Variants in TTC28 observed in about 807,000 individuals in gnomAD.
TTC28 encodes tetratricopeptide repeat protein 28.
TTC28 carries 61 observed loss-of-function variants against 198.0 expected under a neutral mutation model. That is an observed-to-expected ratio of 0.31 (90% CI 0.25 to 0.38). TTC28 has a LOEUF of 0.38. TTC28 is among the 10% of genes least tolerant of loss of function. The probability of loss-of-function intolerance (pLI) is 1.00; values close to 1 mark genes in which losing one functional copy is unlikely to be tolerated. For synonymous variants in TTC28, 1,171 were observed against 1,297.8 expected (o/e 0.90, Z 2.10); for missense variants, 2,678 against 3,164.0 (o/e 0.85, Z 3.69).
At chr22:28,619,251 C>CT (rs1256487391) in intron 2 of TTC28, among the ~76,000 whole-genome samples, 4 of 152,132 alleles carry the variant, frequency 2.6e-5, no homozygotes, top group African/African-American at 9.7e-5. Context: ...AAACTCTGTG[C>CT]TACGTGCCTA....
chr22:28,622,226 C>T (rs1434880758), intron 2 of TTC28, among the ~76,000 whole-genome samples: 4 of 152,068 alleles, frequency 2.6e-5, no homozygotes, highest in Non-Finnish European at 5.9e-5. Flanking sequence ...GGTCAGAAAA[C>T]CACAGCCTTT....
At chr22:28,033,506 A>C (rs763474056) in intron 12 of TTC28, among the ~76,000 whole-genome samples, 2 of 152,200 alleles carry the variant, frequency 1.3e-5, no homozygotes, top group Non-Finnish European at 2.9e-5. Flanking sequence ...GATGAGGGTC[A>C]CATTGTAGCT....
intron 5 of TTC28, among the ~76,000 whole-genome samples, chr22:28,227,661 A>G (rs1168162057): frequency 6.6e-6 from 1 of 151,880 alleles, no homozygotes; most frequent in Non-Finnish European, 1.5e-5. Context: ...CAAAACCACA[A>G]TGAGATACCA....
chr22:28,233,212 T>C (rs1601511681), intron 5 of TTC28, among the ~76,000 whole-genome samples: 1 of 152,326 alleles, frequency 6.6e-6, no homozygotes, highest in East Asian at 1.9e-4. Flanking sequence ...TTTTCAGTGA[T>C]AATTTTTTTA....
At chr22:28,079,637 T>C (rs1191340390) in intron 12 of TTC28, among the ~76,000 whole-genome samples, 1 of 152,142 alleles carries the variant, frequency 6.6e-6, no homozygotes, top group East Asian at 1.9e-4. Context: ...AATGAAATCA[T>C]GTAGTATTTG....
intron 12 of TTC28, among the ~76,000 whole-genome samples, chr22:28,071,958 C>A (rs1000525587): frequency 1.3e-5 from 2 of 152,070 alleles, no homozygotes; most frequent in African/African-American, 2.4e-5. Context: ...TAATGTGTTA[C>A]TAGGAATCGG....
At chr22:28,360,494 T>C (rs909207604) in intron 2 of TTC28, among the ~76,000 whole-genome samples, 1 of 152,254 alleles carries the variant, frequency 6.6e-6, no homozygotes, top group Non-Finnish European at 1.5e-5. Context: ...TTGCTTTTTT[T>C]AAAGTTATTT....
At chr22:28,620,809 C>T (rs1478847819) in intron 2 of TTC28, among the ~76,000 whole-genome samples, 2 of 152,104 alleles carry the variant, frequency 1.3e-5, no homozygotes, top group South Asian at 2.1e-4. Flanking sequence ...CCAAAGATGT[C>T]GCAGAAAAAT....
intron 2 of TTC28, among the ~76,000 whole-genome samples, chr22:28,523,405 A>C (rs2048945969): frequency 6.6e-6 from 1 of 152,216 alleles, no homozygotes; most frequent in Non-Finnish European, 1.5e-5. Context: ...TTAAGTTATT[A>C]AACAAATGGG....
chr22:28,535,868 C>T (rs2049259386), intron 2 of TTC28, among the ~76,000 whole-genome samples: 2 of 152,170 alleles, frequency 1.3e-5, no homozygotes, highest in East Asian at 3.9e-4. Flanking sequence ...GAAGCCTATA[C>T]AGCCTGCAGA....
chr22:28,012,122 A>T (rs999288251), intron 14 of TTC28, among the ~76,000 whole-genome samples: 1 of 152,206 alleles, frequency 6.6e-6, no homozygotes, highest in African/African-American at 2.4e-5. Flanking sequence ...AATGGTTTGC[A>T]TGACAGTCAG....
In TTC28 at chr22:28,163,230, G is replaced by T. The variant is rs773643526; in HGVS notation, c.1303C>A (p.Arg435=). The T allele has an allele frequency of 1.0e-5, 16 of 1,551,608 alleles. No homozygotes were observed. The highest frequency in any genetic ancestry group is 1.4e-5 in the Non-Finnish European group (16 of 1,147,022). ...QELMEKAIEM[R]AYAGLGHAAR... ...GCATGGCCTAGTCCAGCATAGGCCCGCATCTCAATAGCCTTCTCCATCAAC... is the reference window on the plus strand; with the variant it reads ...GCATGGCCTAGTCCAGCATAGGCCCTCATCTCAATAGCCTTCTCCATCAAC... The change falls in exon 6 of 23, where the codon CGG becomes AGG. Residue 435 remains arginine (R), a synonymous_variant. Coordinates refer to ENST00000397906, the MANE Select transcript of TTC28 (RefSeq NM_001145418.2).
chr22:28,032,242 A>G (rs1569094950), intron 12 of TTC28, among the ~76,000 whole-genome samples: 50 of 110,590 alleles, frequency 4.5e-4, no homozygotes, highest in African/African-American at 1.6e-3. Context: ...TAAAATATAT[A>G]TATATAAAAT....
At chr22:28,027,797 C>G (rs1938894168) in intron 13 of TTC28, among the ~76,000 whole-genome samples, 1 of 152,266 alleles carries the variant, frequency 6.6e-6, no homozygotes, top group Non-Finnish European at 1.5e-5. Context: ...TGGGACCCCA[C>G]AGCAGGGCAG....
rs149679366 is a variant in TTC28 at position 28,332,751 on chromosome 22, C to T, written c.382-26108G>A. 5.2e-3 allele frequency among the ~76,000 whole-genome samples: 788 copies of T among 152,192 alleles called. 3 individuals carry two copies. The highest frequency in any genetic ancestry group is 6.6e-3 in the Non-Finnish European group (449 of 67,922). On this transcript the variant is annotated intron_variant, in intron 2 of 22. Coordinates refer to ENST00000397906, the MANE Select transcript of TTC28 (RefSeq NM_001145418.2). ...CTAACAATTAAATGCAACCACTAAA[C>T]GTTTCCTTTGCAAGATATCTTTTTT...
intron 2 of TTC28, among the ~76,000 whole-genome samples, chr22:28,577,409 C>T (rs754039091): frequency 6.6e-6 from 1 of 152,016 alleles, no homozygotes. Flanking sequence ...TCCCTGAGAA[C>T]GATCCATGTG....
At chr22:28,125,128 G>A (rs547228518) in intron 6 of TTC28, among the ~76,000 whole-genome samples, 1 of 152,132 alleles carries the variant, frequency 6.6e-6, no homozygotes. Flanking sequence ...CGTATTACTT[G>A]GAGGGATGCA....
chr22:28,547,738 CA>C lies in TTC28; in HGVS notation c.381+81813del, dbSNP rs201732192. Among the ~76,000 whole-genome samples, 940 of 150,656 alleles carry C rather than the reference CA, an allele frequency of 6.2e-3. 8 individuals are homozygous for C. Among genetic ancestry groups the C allele is most frequent in the African/African-American group, 0.022 (902 of 40,888 alleles). On this transcript the variant is annotated intron_variant, in intron 2 of 22. Transcript: ENST00000397906. ...TGATATGATGCAATATTCTTAAGGA[CA>C]TTTTAATGCTGAGGCATGTTAAAGA...
At chr22:28,187,378 G>A (rs1442594486) in intron 5 of TTC28, among the ~76,000 whole-genome samples, 1 of 152,204 alleles carries the variant, frequency 6.6e-6, no homozygotes, top group Non-Finnish European at 1.5e-5. Flanking sequence ...TGCATTTGAT[G>A]AGCTGTCAGA....
Sources: allele counts gnomAD v4.1 joint callset (sites outside exome capture counted in the v4.1 genomes callset), GRCh38; gene constraint gnomAD v4.1.1; transcripts MANE v1.5; gene names NCBI Gene and HGNC (gene_info 2026-07-23, HGNC 2026-07-21).